ATP2B4: variants seen among roughly 807,000 people sequenced by gnomAD.
ATP2B4 encodes ATPase plasma membrane Ca2+ transporting 4.
Under a neutral mutation model 110.3 loss-of-function variants are expected in ATP2B4, and 39 were observed. That is an observed-to-expected ratio of 0.35 (90% CI 0.27 to 0.46). The LOEUF is 0.46. ATP2B4 is among the 20% of genes least tolerant of loss of function. The pLI, the probability that ATP2B4 is intolerant of heterozygous loss-of-function variation, is 1.00. For missense variants in ATP2B4, 1,135 were observed against 1,530.9 expected (o/e 0.74, Z 4.32); for synonymous variants, 538 against 571.7 (o/e 0.94, Z 0.84).
intron 1 of ATP2B4, among the ~76,000 whole-genome samples, chr1:203,667,334 C>T (rs891227456): frequency 1.3e-5 from 2 of 152,154 alleles, no homozygotes; most frequent in Admixed American, 6.6e-5. Context: ...CCTAGATAAT[C>T]CTTCTACAAG....
In ATP2B4 at chr1:203,727,727, G is replaced by A. The variant is rs994607487; in HGVS notation, c.3309+156G>A. 28 of 874,776 alleles carry A rather than the reference G, an allele frequency of 3.2e-5. No homozygotes were observed. In the East Asian group the frequency reaches 3.8e-4, roughly 12 times the overall value. The allele number at this position is 874,776 out of a possible 1,614,324, so 54.2% of individuals were successfully genotyped here. A position where few individuals can be genotyped will look rare whatever the true frequency, so the allele number is the denominator to read the frequency against. ...AGATCCTCAGCTTCAGGACAGACAC[G>A]CAAAAGGATCTGTGTGGGGTCCTCT... is the stretch of plus-strand genomic sequence containing the variant. On this transcript the variant is annotated intron_variant, in intron 20 of 20. Transcript: ENST00000357681.
chr1:203,737,123 C>T (rs1374695153), intron 20 of ATP2B4, among the ~76,000 whole-genome samples: 1 of 152,166 alleles, frequency 6.6e-6, no homozygotes, highest in Non-Finnish European at 1.5e-5. Context: ...TCATTGTTTA[C>T]CTGTAACAGT....
intron 1 of ATP2B4, among the ~76,000 whole-genome samples, chr1:203,653,873 A>G (rs1664071248): frequency 6.6e-6 from 1 of 151,050 alleles, no homozygotes; most frequent in Admixed American, 6.6e-5. Flanking sequence ...GCCTTTAATA[A>G]TTATGCTAAA....
intron 1 of ATP2B4, among the ~76,000 whole-genome samples, chr1:203,679,193 G>A (rs1414148663): frequency 6.6e-6 from 1 of 152,148 alleles, no homozygotes; most frequent in East Asian, 1.9e-4. Flanking sequence ...TTCATTTGAT[G>A]CTGAGGTGGT....
chr1:203,686,685 C>CTTTTGTTTTTTTTTTTTTTTTTTT (rs1665194016), intron 2 of ATP2B4, among the ~76,000 whole-genome samples: 1 of 42,776 alleles, frequency 2.3e-5, no homozygotes, highest in African/African-American at 1.0e-4. Flanking sequence ...TCTTTTCTTT[C>CTTTTGTTTTTTTTTTTTTTTTTTT]TTTTTTTTTT....
chr1:203,736,475 A>ACCCC (rs1666882137), intron 20 of ATP2B4, among the ~76,000 whole-genome samples: 8 of 149,564 alleles, frequency 5.3e-5, no homozygotes, highest in Non-Finnish European at 8.9e-5. Context: ...TCCCCCCCAA[A>ACCCC]AAAAAAAAAG....
chr1:203,692,378 C>T (rs566412412), intron 2 of ATP2B4, among the ~76,000 whole-genome samples: 1 of 152,188 alleles, frequency 6.6e-6, no homozygotes, highest in Admixed American at 6.5e-5. Flanking sequence ...AGAATCTTTC[C>T]GTATTGCCCC....
chr1:203,660,390 C>T (rs1291472908), intron 1 of ATP2B4, among the ~76,000 whole-genome samples: 13 of 151,966 alleles, frequency 8.6e-5, no homozygotes, highest in South Asian at 2.1e-4. Context: ...TGAGAATGCA[C>T]GCCATTGGGG....
intron 1 of ATP2B4, chr1:203,657,676 T>G (rs1664203547): frequency 3.9e-6 from 3 of 774,370 alleles, no homozygotes; most frequent in Non-Finnish European, 7.1e-6. Context: ...GCCTCTCAGC[T>G]TTCCTTCTTT....
intron 14 of ATP2B4, 32 bp downstream of exon 14, chr1:203,713,284 C>T: frequency 6.2e-7 from 1 of 1,611,814 alleles, no homozygotes; most frequent in Middle Eastern, 1.7e-4. Flanking sequence ...GTGCCTGCAA[C>T]AGCTGAAGGC....
intron 1 of ATP2B4, among the ~76,000 whole-genome samples, chr1:203,633,033 T>A (rs974469390): frequency 1.4e-4 from 21 of 152,156 alleles, no homozygotes; most frequent in Admixed American, 1.2e-3. Context: ...TAAGGAACAG[T>A]GCTCCTTGAA....
At position 203,662,273 on chromosome 1, in the gene ATP2B4, G is replaced by A. The variant is rs183439275; in HGVS notation, c.-464-20469G>A. On this transcript the variant is annotated intron_variant, in intron 1 of 20. Coordinates refer to ENST00000357681, the MANE Select transcript of ATP2B4 (RefSeq NM_001684.5). The stretch of plus-strand genomic sequence containing the variant: ...GATCTCCGGACCTCATGATCCACCC[G>A]TCTCAGCCTCCCAAAGTGTTGGGAT... Among the ~76,000 whole-genome samples, 84 of 152,144 alleles carry A rather than the reference G, an allele frequency of 5.5e-4. No individual in the cohort carries two copies. The East Asian group carries it at 0.011, about 20-fold the overall frequency.
chr1:203,694,954 A>G (rs775379677), intron 2 of ATP2B4, among the ~76,000 whole-genome samples: 1 of 152,206 alleles, frequency 6.6e-6, no homozygotes, highest in Non-Finnish European at 1.5e-5. Flanking sequence ...GGGGCTGGGC[A>G]TCAAAGATGA....
At chr1:203,692,173 C>T (rs1243488499) in intron 2 of ATP2B4, among the ~76,000 whole-genome samples, 1 of 150,672 alleles carries the variant, frequency 6.6e-6, no homozygotes, top group East Asian at 2.0e-4. Flanking sequence ...AGCCACCACA[C>T]CCGGCCTTTT....
chr1:203,705,029 A>G (rs536552422), intron 8 of ATP2B4, among the ~76,000 whole-genome samples: 2 of 152,326 alleles, frequency 1.3e-5, no homozygotes, highest in East Asian at 1.9e-4. Context: ...GCTGCCCACC[A>G]TAGCAGCCAC....
chr1:203,696,597 C>A (rs142216402), intron 2 of ATP2B4, among the ~76,000 whole-genome samples: 79 of 152,390 alleles, frequency 5.2e-4, no homozygotes, highest in African/African-American at 1.8e-3. Flanking sequence ...TGAACACCAA[C>A]TGGCATTAAT....
intron 1 of ATP2B4, among the ~76,000 whole-genome samples, chr1:203,668,903 G>A (rs1326841139): frequency 2.0e-5 from 3 of 152,188 alleles, no homozygotes; most frequent in African/African-American, 7.2e-5. Flanking sequence ...AAGGAGGTAG[G>A]GGAAGGGATA....
chr1:203,634,253 A>G (rs1160215228), intron 1 of ATP2B4, among the ~76,000 whole-genome samples: 1 of 152,234 alleles, frequency 6.6e-6, no homozygotes, highest in Non-Finnish European at 1.5e-5. Flanking sequence ...AACATGCATT[A>G]CATTAACTAT....
intron 1 of ATP2B4, among the ~76,000 whole-genome samples, chr1:203,653,241 A>G (rs1237572533): frequency 6.6e-6 from 1 of 152,228 alleles, no homozygotes; most frequent in Admixed American, 6.5e-5. Flanking sequence ...AAATCTCTTC[A>G]ATGTTGTGAA....
Sources: allele counts gnomAD v4.1 joint callset (sites outside exome capture counted in the v4.1 genomes callset), GRCh38; gene constraint gnomAD v4.1.1; transcripts MANE v1.5; gene names NCBI Gene and HGNC (gene_info 2026-07-23, HGNC 2026-07-21).